RIMS2: variants seen among roughly 807,000 people sequenced by gnomAD.
The protein encoded by RIMS2 is regulating synaptic membrane exocytosis 2.
In RIMS2, 59 loss-of-function variants were observed where a neutral mutation model predicts 174.4. The ratio of observed to expected loss-of-function variants is 0.34; its 90% CI spans 0.27 to 0.42. RIMS2 has a LOEUF of 0.42. Ranked by LOEUF, RIMS2 falls within the 10% of genes least tolerant of loss-of-function variation. RIMS2 has a pLI of 1.00. For missense variants in RIMS2, 1,620 were observed against 1,666.3 expected (o/e 0.97, Z 0.48); for synonymous variants, 606 against 572.5 (o/e 1.06, Z -0.84).
intron 1 of RIMS2, among the ~76,000 whole-genome samples, chr8:103,590,458 G>T (rs2094197076): frequency 6.6e-6 from 1 of 151,148 alleles, no homozygotes; most frequent in African/African-American, 2.4e-5. Context: ...CTTTCTTCCT[G>T]TGAAACTCTA....
At chr8:103,838,577 C>T (rs1220313881) in intron 3 of RIMS2, among the ~76,000 whole-genome samples, 1 of 152,186 alleles carries the variant, frequency 6.6e-6, no homozygotes, top group African/African-American at 2.4e-5. Flanking sequence ...AGATACCAAT[C>T]TCAACATCTC....
chr8:103,871,274 A>G (rs372452514), intron 3 of RIMS2, among the ~76,000 whole-genome samples: 1 of 152,030 alleles, frequency 6.6e-6, no homozygotes, highest in Non-Finnish European at 1.5e-5. Flanking sequence ...AGCGCCTGTA[A>G]TCCCAGCTAC....
chr8:103,619,622 G>C lies in RIMS2; in HGVS notation c.177-77464G>C, dbSNP rs569396707. ...GTAAAATAAATCAGAACTACAAAAA[G>C]GAGGCAGGAGAAGAAAACAGATCAC... On this transcript the variant is annotated intron_variant, in intron 1 of 23. Transcript: ENST00000504942. Among the ~76,000 whole-genome samples the C allele has an allele frequency of 2.6e-5, 4 of 152,146 alleles. No homozygotes were observed. In the South Asian group the frequency reaches 8.3e-4, roughly 32 times the overall value.
At chr8:104,024,216 C>T (rs2154555359) in intron 19 of RIMS2, among the ~76,000 whole-genome samples, 1 of 152,274 alleles carries the variant, frequency 6.6e-6, no homozygotes, top group Middle Eastern at 3.4e-3. Context: ...CCAGGTCTGC[C>T]ACTTGGCTGT....
chr8:103,644,612 TA>T (rs1311698530), intron 1 of RIMS2, among the ~76,000 whole-genome samples: 1 of 151,820 alleles, frequency 6.6e-6, no homozygotes, highest in Non-Finnish European at 1.5e-5. Flanking sequence ...TGATTTTATC[TA>T]AAATATTGGC....
In RIMS2 at chr8:104,190,523, C is replaced by A. The variant is rs543926386; in HGVS notation, c.3335-54393C>A. On this transcript the variant is annotated intron_variant, in intron 19 of 23. Transcript: ENST00000504942. ...AGTTCCGGTGTCTTGCCTGAATTTCCTTTTTAGGCTTTGTCCTTTTTGTCT... is the reference window on the plus strand; with the variant it reads ...AGTTCCGGTGTCTTGCCTGAATTTCATTTTTAGGCTTTGTCCTTTTTGTCT... 2.6e-5 allele frequency among the ~76,000 whole-genome samples: 4 copies of A among 152,046 alleles called. No individual in the cohort carries two copies. In the East Asian group the frequency reaches 7.7e-4, roughly 29 times the overall value.
At chr8:103,620,428 G>C (rs959775714) in intron 1 of RIMS2, among the ~76,000 whole-genome samples, 2 of 151,132 alleles carry the variant, frequency 1.3e-5, no homozygotes, top group Admixed American at 1.3e-4. Flanking sequence ...TCATTTAAAA[G>C]CTATAATTTA....
intron 19 of RIMS2, among the ~76,000 whole-genome samples, chr8:104,144,534 C>T (rs796560735): frequency 3.3e-5 from 5 of 151,732 alleles, no homozygotes; most frequent in South Asian, 2.1e-4. Context: ...TTTTAGTTAC[C>T]GACACTTTTT....
chr8:104,112,099 T>C (rs2131796744), intron 19 of RIMS2, among the ~76,000 whole-genome samples: 1 of 152,314 alleles, frequency 6.6e-6, no homozygotes, highest in East Asian at 1.9e-4. Flanking sequence ...TATACCCTCT[T>C]CATTAAAAGA....
intron 1 of RIMS2, among the ~76,000 whole-genome samples, chr8:103,540,967 A>T (rs1267548058): frequency 6.7e-6 from 1 of 149,318 alleles, no homozygotes; most frequent in Non-Finnish European, 1.5e-5. Context: ...ATACAGTGAG[A>T]GGAATAAAAA....
At chr8:104,142,627 A>G (rs948332790) in intron 19 of RIMS2, among the ~76,000 whole-genome samples, 1 of 152,208 alleles carries the variant, frequency 6.6e-6, no homozygotes, top group African/African-American at 2.4e-5. Context: ...TATCCCAAGT[A>G]AGCAGTGACC....
intron 1 of RIMS2, among the ~76,000 whole-genome samples, chr8:103,627,293 T>C (rs111748998): frequency 0.012 from 1,766 of 152,314 alleles, 48 homozygotes; most frequent in African/African-American, 0.041. Flanking sequence ...GCAGTCAGAC[T>C]TTCTGGTTAT....
chr8:103,617,601 G>T (rs1476246372), intron 1 of RIMS2, among the ~76,000 whole-genome samples: 2 of 152,056 alleles, frequency 1.3e-5, no homozygotes, highest in Non-Finnish European at 2.9e-5. Context: ...AATATTTGCA[G>T]AGTGTGCATC....
At chr8:103,985,842 T>C (rs2094319647) in intron 16 of RIMS2, among the ~76,000 whole-genome samples, 1 of 152,182 alleles carries the variant, frequency 6.6e-6, no homozygotes, top group African/African-American at 2.4e-5. Context: ...TAGAGGGCAT[T>C]ATGTTAGGTG....
intron 1 of RIMS2, among the ~76,000 whole-genome samples, chr8:103,592,749 T>G (rs74767388): frequency 0.011 from 1,660 of 151,490 alleles, 45 homozygotes; most frequent in African/African-American, 0.038. Flanking sequence ...GCATTAAACT[T>G]TTTTTAGTAC....
intron 19 of RIMS2, among the ~76,000 whole-genome samples, chr8:104,224,981 C>A (rs928547801): frequency 6.6e-6 from 1 of 152,124 alleles, no homozygotes; most frequent in Admixed American, 6.5e-5. Flanking sequence ...CCATACTAGT[C>A]CTTTTCTGTT....
chr8:103,537,191 A>G (rs1439188405), intron 1 of RIMS2, among the ~76,000 whole-genome samples: 2 of 152,224 alleles, frequency 1.3e-5, no homozygotes, highest in African/African-American at 4.8e-5. Flanking sequence ...CATATAAAGC[A>G]CTTGGCTACA....
At chr8:103,903,660 T>C (rs747115634) in intron 4 of RIMS2, among the ~76,000 whole-genome samples, 57 of 152,168 alleles carry the variant, frequency 3.7e-4, no homozygotes, top group Non-Finnish European at 7.8e-4. Context: ...TTAACTTGTG[T>C]TAATAGAATA....
At chr8:103,885,936 C>A (rs765463611) in exon 4 of RIMS2, 1 of 1,612,992 alleles carries the variant, frequency 6.2e-7, no homozygotes. Context: ...ATAGATAGAC[C>A]AGACTTGAGG....
Sources: allele counts gnomAD v4.1 joint callset (sites outside exome capture counted in the v4.1 genomes callset), GRCh38; gene constraint gnomAD v4.1.1; transcripts MANE v1.5; gene names NCBI Gene and HGNC (gene_info 2026-07-23, HGNC 2026-07-21).